ZFC3H1: variants seen among roughly 807,000 people sequenced by gnomAD.
ZFC3H1 encodes the protein zinc finger C3H1 domain-containing protein.
In ZFC3H1, 71 loss-of-function variants were observed where a neutral mutation model predicts 243.7. The ratio of observed to expected loss-of-function variants is 0.29; its 90% CI spans 0.24 to 0.36. The LOEUF (loss-of-function observed/expected upper bound fraction) is 0.36, where lower values mean the gene tolerates loss of function less well. Ranked by LOEUF, ZFC3H1 falls within the 10% of genes least tolerant of loss-of-function variation. ZFC3H1 has a pLI of 1.00. For synonymous variants in ZFC3H1, 838 were observed against 813.0 expected, an observed-to-expected ratio of 1.03 and a Z score of -0.52; for missense variants, 1,966 against 2,317.1, an observed-to-expected ratio of 0.85 and a Z score of 3.11.
Position 71,619,987 on chromosome 12 carries a change from A to C in ZFC3H1, c.4988T>G (p.Phe1663Cys). Residue 1663 changes from phenylalanine to cysteine, a missense_variant, in exon 26 of 35, where the codon TTT becomes TGT. Phe to Cys is a radical substitution (Grantham distance 205). Coordinates refer to ENST00000378743, the MANE Select transcript of ZFC3H1 (RefSeq NM_144982.5). ...DKARAVWLTA[F>C]EKNPQNAEVF... ...CTCTGCATTCTGAGGATTTTTTTCA[A>C]ATGCAGTAAGCCACACTGCTCTGGC... 6.2e-7 allele frequency: 1 copy of C among 1,606,806 alleles called. No individual in the cohort carries two copies. The highest frequency in any genetic ancestry group is 8.5e-7 in the Non-Finnish European group (1 of 1,175,544).
At chr12:71,629,161 T>C in intron 19 of ZFC3H1, 124 bp from the exon 20 acceptor site, 1 of 899,900 alleles carries the variant, frequency 1.1e-6, no homozygotes. Flanking sequence ...ATACGTATTT[T>C]TTTTTTTTTT....
intron 27 of ZFC3H1, 136 bp downstream of exon 27, chr12:71,619,179 C>T: frequency 1.5e-6 from 1 of 661,448 alleles, no homozygotes; most frequent in Non-Finnish European, 2.5e-6. Flanking sequence ...TATTCTGTTT[C>T]AAGTATTCTG....
chr12:71,636,632 G>A lies in ZFC3H1; in HGVS notation c.1958C>T (p.Pro653Leu). Residue 653 changes from proline (P) to leucine (L), a missense_variant, in exon 9 of 35, where the codon CCA becomes CTA. By Grantham distance (98) the Pro-to-Leu change is moderately conservative. Transcript: ENST00000378743. Reference sequence around the variant, plus strand: ...ATTGTTCAGAACTGGAGGTGAAGGTGGGTCACTATTACTGGATGTTTCCTA... The same window carrying A: ...ATTGTTCAGAACTGGAGGTGAAGGTAGGTCACTATTACTGGATGTTTCCTA... ...KPEETSSNSDPPSPPVLNNSH... is the reference protein window; with the variant it reads ...KPEETSSNSDLPSPPVLNNSH... 6.2e-7 allele frequency: 1 copy of A among 1,611,926 alleles called. No homozygotes were observed. Among genetic ancestry groups the A allele is most frequent in the Non-Finnish European group, 8.5e-7 (1 of 1,179,392 alleles).
intron 22 of ZFC3H1, among the ~76,000 whole-genome samples, chr12:71,625,481 C>T (rs533967700): frequency 6.6e-6 from 1 of 152,096 alleles, no homozygotes; most frequent in Non-Finnish European, 1.5e-5. Context: ...TGCATGAGCC[C>T]AAGAGTTCAA....
chr12:71,627,837 A>G lies in ZFC3H1; in HGVS notation c.4044T>C (p.Ala1348=), dbSNP rs780177055. 15 of 1,613,868 alleles carry G rather than the reference A, an allele frequency of 9.3e-6. No homozygotes were observed. The highest frequency in any genetic ancestry group is 1.7e-5 in the Admixed American group (1 of 60,000). The change falls in exon 21 of 35, where the codon GCT becomes GCC. Residue 1348 remains alanine (A), a synonymous_variant. Coordinates refer to ENST00000378743, the MANE Select transcript of ZFC3H1 (RefSeq NM_144982.5). ...RYFTNETDDI[A]NLEASVLENP... is the part of the protein sequence containing the mutation. ...TTTCAAGCACACTTGCTTCTAAATT[A>G]GCGATGTCATCAGTCTCATTTGTAA...
At chr12:71,614,446 CTCT>C in intron 30 of ZFC3H1, 86 bp downstream of exon 30, 1 of 1,251,568 alleles carries the variant, frequency 8.0e-7, no homozygotes, top group Non-Finnish European at 1.1e-6. Context: ...AGGAAAAGCT[CTCT>C]TGATATAAAA....
In ZFC3H1 at chr12:71,663,810, T is replaced by C. The variant is rs1881264101; in HGVS notation, c.-200A>G. The C allele has an allele frequency of 1.3e-5, 8 of 613,516 alleles. No homozygotes were observed. Among genetic ancestry groups the C allele is most frequent in the Admixed American group, 1.2e-4 (4 of 33,026 alleles). The allele number at this position is 613,516 out of a possible 1,614,324, so 38.0% of individuals were successfully genotyped here. A position where few individuals can be genotyped will look rare whatever the true frequency, so the allele number is the denominator to read the frequency against. On this transcript the variant is annotated 5_prime_UTR_variant, in exon 1 of 35. Coordinates refer to ENST00000378743, the MANE Select transcript of ZFC3H1 (RefSeq NM_144982.5). ...GCCGGACCGTCGCAACCCAGTTCCCTTTCCTAGCGCCCCCTTGCTCCTCAG... is the reference window on the plus strand; with the variant it reads ...GCCGGACCGTCGCAACCCAGTTCCCCTTCCTAGCGCCCCCTTGCTCCTCAG...
intron 21 of ZFC3H1, 98 bp downstream of exon 21, chr12:71,627,653 C>T: frequency 2.6e-6 from 3 of 1,175,192 alleles, no homozygotes; most frequent in Non-Finnish European, 3.6e-6. Context: ...TCCATTGATA[C>T]TAGGAAAGAA....
chr12:71,644,229 G>T lies in ZFC3H1; in HGVS notation c.1369C>A (p.Arg457=). ...CTCTCTTCTTCTTCAGCTTGTTTCCGCTGATCCTCTTCTTTCTGTCTTTCC... is the reference window on the plus strand; with the variant it reads ...CTCTCTTCTTCTTCAGCTTGTTTCCTCTGATCCTCTTCTTTCTGTCTTTCC... ...EQERQKEEDQ[R]KQAEEEERRK... The change falls in exon 5 of 35, where the codon CGG becomes AGG. Residue 457 remains arginine, a synonymous_variant. Transcript: ENST00000378743. The T allele has an allele frequency of 6.2e-7, 1 of 1,610,740 alleles. No homozygotes were observed. The highest frequency in any genetic ancestry group is 8.5e-7 in the Non-Finnish European group (1 of 1,178,286).
intron 33 of ZFC3H1, 116 bp downstream of exon 33, chr12:71,610,942 C>T (rs1297465839): frequency 6.7e-7 from 1 of 1,501,936 alleles, no homozygotes; most frequent in Admixed American, 2.1e-5. Flanking sequence ...CCACTTGGTT[C>T]TTAGTGTGCA....
intron 27 of ZFC3H1, among the ~76,000 whole-genome samples, chr12:71,617,518 CAAG>C (rs1347339028): frequency 1.3e-5 from 2 of 152,152 alleles, no homozygotes; most frequent in South Asian, 4.1e-4. Context: ...AAGCTGGCAT[CAAG>C]AAGATCTGAA....
chr12:71,614,149 CTTAT>C (rs1237641478), intron 30 of ZFC3H1, among the ~76,000 whole-genome samples: 2 of 152,096 alleles, frequency 1.3e-5, no homozygotes, highest in Non-Finnish European at 2.9e-5. Flanking sequence ...TAAGTCCATT[CTTAT>C]TTATTTTGAA....
intron 18 of ZFC3H1, 86 bp downstream of exon 18, chr12:71,630,514 T>C: frequency 1.3e-6 from 2 of 1,485,164 alleles, no homozygotes; most frequent in Non-Finnish European, 1.8e-6. Context: ...ATAGTAAGTA[T>C]TTTACAATGT....
At chr12:71,658,729 C>A (rs965884021) in intron 1 of ZFC3H1, among the ~76,000 whole-genome samples, 1 of 152,186 alleles carries the variant, frequency 6.6e-6, no homozygotes, top group Non-Finnish European at 1.5e-5. Context: ...GAATTACCAT[C>A]ATCTAAGAAA....
In ZFC3H1 at chr12:71,663,731, C is replaced by A; in HGVS notation, c.-121G>T. The stretch of plus-strand genomic sequence containing the variant: ...GTGCGGTCTTACCCTACTCGGACAC[C>A]AAGCGGCCTCTGCTCCCCAACTTCC... On this transcript the variant is annotated 5_prime_UTR_variant, in exon 1 of 35. Transcript: ENST00000378743. 1.6e-6 allele frequency: 2 copies of A among 1,214,858 alleles called. No homozygotes were observed. The highest frequency in any genetic ancestry group is 2.3e-6 in the Non-Finnish European group (2 of 872,970). 75.3% of individuals were successfully genotyped at this position (1,214,858 alleles called of 1,614,324 possible).
chr12:71,629,545 AAG>A, intron 19 of ZFC3H1, 62 bp downstream of exon 19: 1 of 865,480 alleles, frequency 1.2e-6, no homozygotes, highest in African/African-American at 1.8e-5. Flanking sequence ...CCTTTTCAGA[AAG>A]AGATACAGTA....
At chr12:71,648,214 A>T (rs969914073) in intron 2 of ZFC3H1, among the ~76,000 whole-genome samples, 1 of 152,226 alleles carries the variant, frequency 6.6e-6, no homozygotes, top group Non-Finnish European at 1.5e-5. Flanking sequence ...ATTGGAATGA[A>T]TGCAATGTTT....
chr12:71,617,793 T>C (rs1318971184), intron 27 of ZFC3H1, among the ~76,000 whole-genome samples: 3 of 152,234 alleles, frequency 2.0e-5, no homozygotes, highest in African/African-American at 7.2e-5. Flanking sequence ...TTATTTCATT[T>C]GTAATTATTT....
intron 20 of ZFC3H1, among the ~76,000 whole-genome samples, chr12:71,628,307 T>A (rs1253325923): frequency 6.6e-6 from 1 of 152,232 alleles, no homozygotes; most frequent in Non-Finnish European, 1.5e-5. Context: ...TTAAAAGTCA[T>A]AATTTATAAA....
Sources: allele counts gnomAD v4.1 joint callset (sites outside exome capture counted in the v4.1 genomes callset), GRCh38; gene constraint gnomAD v4.1.1; transcripts MANE v1.5; gene names NCBI Gene and HGNC (gene_info 2026-07-23, HGNC 2026-07-21).